TP53BP2: variants seen among roughly 807,000 people sequenced by gnomAD.
TP53BP2 encodes the protein tumor protein p53 binding protein 2.
TP53BP2 carries 62 observed loss-of-function variants against 126.2 expected under a neutral mutation model. That is an observed-to-expected ratio of 0.49 (90% CI 0.40 to 0.61). The LOEUF (loss-of-function observed/expected upper bound fraction) is 0.61. Among genes scored for constraint, TP53BP2 ranks in the 20% least tolerant of loss-of-function variants. The probability of loss-of-function intolerance (pLI) is 0.00; values close to 1 mark genes in which losing one functional copy is unlikely to be tolerated. For missense variants in TP53BP2, 1,215 were observed against 1,402.8 expected (o/e 0.87, Z 2.14); for synonymous variants, 485 against 502.9 (o/e 0.96, Z 0.48).
intron 6 of TP53BP2, 58 bp downstream of exon 6, chr1:223,804,116 C>A: frequency 1.3e-6 from 2 of 1,551,696 alleles, no homozygotes; most frequent in South Asian, 2.5e-5. Flanking sequence ...AAGACCCTGT[C>A]TCAAAAAAAC....
chr1:223,799,876 A>C (rs1417955442), intron 11 of TP53BP2, 23 bp downstream of exon 11: 1 of 1,551,136 alleles, frequency 6.4e-7, no homozygotes, highest in Admixed American at 2.2e-5. Context: ...TTAAATTTTA[A>C]AAACCAGGAT....
intron 4 of TP53BP2, among the ~76,000 whole-genome samples, chr1:223,808,553 A>G (rs1662802916): frequency 6.6e-6 from 1 of 151,942 alleles, no homozygotes; most frequent in South Asian, 2.1e-4. Flanking sequence ...AAAAAAAAAA[A>G]AAAATGAACT....
chr1:223,819,735 T>C (rs1318741555), intron 2 of TP53BP2, among the ~76,000 whole-genome samples: 2 of 152,056 alleles, frequency 1.3e-5, no homozygotes, highest in South Asian at 2.1e-4. Context: ...TGGTTTCAAT[T>C]ATCTCAGTAA....
At chr1:223,806,677 A>G (rs1662728593) in intron 5 of TP53BP2, among the ~76,000 whole-genome samples, 169 bp downstream of exon 5, 1 of 152,156 alleles carries the variant, frequency 6.6e-6, no homozygotes, top group South Asian at 2.1e-4. Context: ...TACAAAATTT[A>G]GCCAGGTGTG....
At position 223,836,922 on chromosome 1, in the gene TP53BP2, C is replaced by T. The variant is rs570854381; in HGVS notation, c.27+8732G>A. On this transcript the variant is annotated intron_variant, in intron 1 of 17. Coordinates refer to ENST00000343537, the MANE Select transcript of TP53BP2 (RefSeq NM_001031685.3). The stretch of plus-strand genomic sequence containing the variant: ...ATCCTATCTACCTTTAAAATAAATG[C>T]ATTATCCAAAATAGATACCCCCCAA... Among the ~76,000 whole-genome samples the T allele has an allele frequency of 2.6e-4, 39 of 152,114 alleles. 1 individual carries two copies. Among genetic ancestry groups the T allele is most frequent in the South Asian group, 1.9e-3 (9 of 4,810 alleles).
chr1:223,809,833 C>CT (rs949554343), intron 4 of TP53BP2, among the ~76,000 whole-genome samples: 90 of 147,902 alleles, frequency 6.1e-4, no homozygotes, highest in African/African-American at 1.7e-3. Flanking sequence ...TATAATTTTC[C>CT]TTTTTTTTTT....
rs925148150 is a variant in TP53BP2, at chr1:223,795,996, G to T, written c.2543C>A (p.Pro848Gln). ...TTCTTCTGGGTTATTCTGGAGATTT[G>T]GGCTGTTGTCTGGGACTCCCTCAGG... is the stretch of plus-strand genomic sequence containing the variant. ...YEPEGVPDNS[P>Q]NLQNNPEEPN... is the part of the protein sequence containing the mutation. The change falls in exon 13 of 18, where the codon CCA becomes CAA. Residue 848 changes from proline to glutamine, a missense_variant. Pro to Gln is a moderately conservative substitution (Grantham distance 76, BLOSUM62 -1). Coordinates refer to ENST00000343537, the MANE Select transcript of TP53BP2 (RefSeq NM_001031685.3). 3.7e-6 allele frequency: 6 copies of T among 1,614,058 alleles called. No homozygotes were observed. Among genetic ancestry groups the T allele is most frequent in the Non-Finnish European group, 4.2e-6 (5 of 1,179,992 alleles).
intron 1 of TP53BP2, among the ~76,000 whole-genome samples, chr1:223,830,881 G>A (rs184372778): frequency 2.0e-5 from 3 of 152,040 alleles, no homozygotes; most frequent in African/African-American, 4.8e-5. Flanking sequence ...GGAGGATCAC[G>A]AGGTCAGGAG....
chr1:223,820,728 A>T (rs1179895825), intron 2 of TP53BP2, among the ~76,000 whole-genome samples: 3 of 152,168 alleles, frequency 2.0e-5, no homozygotes, highest in African/African-American at 4.8e-5. Flanking sequence ...CCTCCTATGG[A>T]GCCAAAAAGA....
At position 223,795,998 on chromosome 1, in the gene TP53BP2, G is replaced by A. The variant is rs763269269; in HGVS notation, c.2541C>T (p.Ser847=). The A allele has an allele frequency of 1.9e-6, 3 of 1,614,084 alleles. No individual in the cohort carries two copies. Among genetic ancestry groups the A allele is most frequent in the East Asian group, 4.5e-5 (2 of 44,886 alleles). The change falls in exon 13 of 18, where the codon AGC becomes AGT. Residue 847 remains serine, a synonymous_variant. Transcript: ENST00000343537. Reference sequence around the variant, plus strand: ...CTTCTGGGTTATTCTGGAGATTTGGGCTGTTGTCTGGGACTCCCTCAGGCT... The same window carrying A: ...CTTCTGGGTTATTCTGGAGATTTGGACTGTTGTCTGGGACTCCCTCAGGCT... ...DYEPEGVPDN[S]PNLQNNPEEP...
intron 17 of TP53BP2, among the ~76,000 whole-genome samples, chr1:223,781,633 A>C (rs1025740783): frequency 1.3e-5 from 2 of 152,200 alleles, no homozygotes; most frequent in African/African-American, 4.8e-5. Context: ...CCAATTAAAA[A>C]ATTTAAAAAT....
chr1:223,802,976 T>C (rs1429111365), intron 7 of TP53BP2, 81 bp from the exon 8 acceptor site: 21 of 1,468,238 alleles, frequency 1.4e-5, no homozygotes, highest in Non-Finnish European at 1.9e-5. Context: ...GGTTAACTAT[T>C]ATATAATTTC....
rs551600061 is a variant in TP53BP2, at chr1:223,845,579, G to A, written c.27+75C>T. ...CCCAGGCTCCTTCCCCGACGCGCCC[G>A]AGGGCGCGGACCAGCCCCCGGCACG... On this transcript the variant is annotated intron_variant, in intron 1 of 17. Coordinates refer to ENST00000343537, the MANE Select transcript of TP53BP2 (RefSeq NM_001031685.3). 6.0e-4 allele frequency: 858 copies of A among 1,434,220 alleles called. 1 individual carries two copies. Among genetic ancestry groups the A allele is most frequent in the Non-Finnish European group, 6.4e-4 (700 of 1,093,904 alleles). 88.8% of individuals were successfully genotyped at this position (1,434,220 alleles called of 1,614,324 possible).
In TP53BP2 at chr1:223,816,256, C is replaced by T. The variant is rs187455832; in HGVS notation, c.176-1903G>A. Among the ~76,000 whole-genome samples, 237 of 152,254 alleles carry T rather than the reference C, an allele frequency of 1.6e-3. 2 individuals carry two copies. Among genetic ancestry groups the T allele is most frequent in the South Asian group, 3.5e-3 (17 of 4,824 alleles). Reference sequence around the variant, plus strand: ...TCTCAATCAAGTGCAGTCCCTAGCACATAACAGGCATCCGAGAAATATTCA... The same window carrying T: ...TCTCAATCAAGTGCAGTCCCTAGCATATAACAGGCATCCGAGAAATATTCA... On this transcript the variant is annotated intron_variant, in intron 2 of 17. Coordinates refer to ENST00000343537, the MANE Select transcript of TP53BP2 (RefSeq NM_001031685.3).
chr1:223,804,043 GGA>G, intron 6 of TP53BP2, 129 bp downstream of exon 6: 1 of 894,248 alleles, frequency 1.1e-6, no homozygotes. Flanking sequence ...CAGCTACTCA[GGA>G]GGCTGAGGTG....
chr1:223,787,192 G>A (rs576603092), intron 16 of TP53BP2, among the ~76,000 whole-genome samples: 26 of 152,050 alleles, frequency 1.7e-4, no homozygotes, highest in East Asian at 1.2e-3. Flanking sequence ...CACCACACCC[G>A]GCCAACACAT....
intron 1 of TP53BP2, among the ~76,000 whole-genome samples, chr1:223,831,478 AAAATATATATATATATATATATAT>A (rs1396510080): frequency 2.5e-4 from 11 of 43,612 alleles, no homozygotes; most frequent in East Asian, 6.6e-4. Flanking sequence ...AAAAAAAAAA[AAAATATATATATATATATATATAT>A]ATATATATAT....
At chr1:223,835,315 C>T (rs1040800362) in intron 1 of TP53BP2, among the ~76,000 whole-genome samples, 4 of 152,182 alleles carry the variant, frequency 2.6e-5, no homozygotes, top group South Asian at 2.1e-4. Flanking sequence ...AAATTCTGAA[C>T]GTATCCTCTA....
intron 1 of TP53BP2, among the ~76,000 whole-genome samples, chr1:223,835,419 C>T (rs772952449): frequency 1.2e-4 from 18 of 152,204 alleles, no homozygotes; most frequent in Non-Finnish European, 2.4e-4. Context: ...AATTCCTCCC[C>T]GGCTCCAACT....
Sources: allele counts gnomAD v4.1 joint callset (sites outside exome capture counted in the v4.1 genomes callset), GRCh38; gene constraint gnomAD v4.1.1; transcripts MANE v1.5; gene names NCBI Gene and HGNC (gene_info 2026-07-23, HGNC 2026-07-21).